Variants in MAMDC4 observed in about 807,000 individuals in gnomAD.
MAMDC4 encodes apical endosomal glycoprotein.
In MAMDC4, 168 loss-of-function variants were observed where a neutral mutation model predicts 153.3. That is an observed-to-expected ratio of 1.10 (90% CI 0.97 to 1.25). The LOEUF is 1.25. Among genes scored for constraint, MAMDC4 ranks in the 50% most tolerant of loss-of-function variants. MAMDC4 has a pLI of 0.00. For missense variants in MAMDC4, 1,701 were observed against 1,542.8 expected, an observed-to-expected ratio of 1.10 and a Z score of -1.72; for synonymous variants, 744 against 651.5, an observed-to-expected ratio of 1.14 and a Z score of -2.16.
At position 136,855,259 on chromosome 9, in the gene MAMDC4, C is replaced by T. The variant is rs1848987093; in HGVS notation, c.1203C>T (p.Leu401=). ...CTGAGCCCCTCTGCCCTCAGATCCTCCTGGCCGGGCAGACAGGCCCGGGGG... is the reference window on the plus strand; with the variant it reads ...CTGAGCCCCTCTGCCCTCAGATCCTTCTGGCCGGGCAGACAGGCCCGGGGG... The part of the protein sequence containing the change: ...DIQSAYPFQI[L]LAGQTGPGGV... The change falls in exon 11 of 27, where the codon CTC becomes CTT. Residue 401 remains leucine (L), a synonymous_variant. Coordinates refer to ENST00000317446, the MANE Select transcript of MAMDC4 (RefSeq NM_206920.3). The T allele has an allele frequency of 1.3e-6, 2 of 1,594,452 alleles. No individual in the cohort carries two copies. The highest frequency in any genetic ancestry group is 2.2e-5 in the East Asian group (1 of 44,766).
rs766870089 is a variant in MAMDC4 at position 136,857,302 on chromosome 9, A to ATCAC, written c.2106+4_2106+5insTCAC. ...TGGCTCCCATGCCCAGTACCAGGTG[A>ATCAC]GGCCTGGCACCCGGGTGGGAGGACA... On this transcript the variant is annotated splice_donor_region_variant and intron_variant, in intron 17 of 26. Coordinates refer to ENST00000317446, the MANE Select transcript of MAMDC4 (RefSeq NM_206920.3). 1 of 1,605,216 alleles carries ATCAC rather than the reference A, an allele frequency of 6.2e-7. No homozygotes were observed. Among genetic ancestry groups the ATCAC allele is most frequent in the South Asian group, 1.1e-5 (1 of 90,196 alleles).
Position 136,856,016 on chromosome 9 carries a change from A to G in MAMDC4, c.1589-2A>G. The G allele has an allele frequency of 6.2e-7, 1 of 1,609,496 alleles. No homozygotes were observed. The highest frequency in any genetic ancestry group is 8.5e-7 in the Non-Finnish European group (1 of 1,178,200). On this transcript the variant is annotated splice_acceptor_variant, in intron 13 of 26. Coordinates refer to ENST00000317446, the MANE Select transcript of MAMDC4 (RefSeq NM_206920.3). LOFTEE classifies it high-confidence loss of function. ...GCTCTGAGCACCATGCTCTTCCCCT[A>G]GGGCACTTCCTGTCTCTGCAGCGGG...
At chr9:136,857,321 G>A (rs377133372) in intron 17 of MAMDC4, 23 bp downstream of exon 17, 50 of 1,607,024 alleles carry the variant, frequency 3.1e-5, no homozygotes, top group Non-Finnish European at 4.2e-5. Context: ...ACCCGGGTGG[G>A]AGGACAGGGC....
In MAMDC4 at chr9:136,854,272, C is replaced by G; in HGVS notation, c.732C>G (p.Pro244=). ...GCCAGAACAAGGTCTGCGTGGAGCC[C>G]CAGCAGCTGTGCGACGGGGAAGACA... ...HHCQNKVCVE[P]QQLCDGEDNC... Residue 244 remains proline (P), a synonymous_variant, in exon 7 of 27, where the codon CCC becomes CCG. Coordinates refer to ENST00000317446, the MANE Select transcript of MAMDC4 (RefSeq NM_206920.3). 1 of 1,610,080 alleles carries G rather than the reference C, an allele frequency of 6.2e-7. No individual in the cohort carries two copies. The highest frequency in any genetic ancestry group is 8.5e-7 in the Non-Finnish European group (1 of 1,178,852).
Position 136,855,055 on chromosome 9 carries a change from T to G in MAMDC4, c.1142T>G (p.Leu381Arg), listed in dbSNP as rs544862217. ...PVLLRRRRGE[L>R]GTAWVRDRVD... Reference sequence around the variant, plus strand: ...CTGCTGCGGAGGCGCCGAGGGGAGCTGGGGACCGCCTGGGTCCGAGACCGT... The same window carrying G: ...CTGCTGCGGAGGCGCCGAGGGGAGCGGGGGACCGCCTGGGTCCGAGACCGT... Residue 381 changes from leucine (L) to arginine (R), a missense_variant, in exon 10 of 27, where the codon CTG becomes CGG. By Grantham distance (102) the Leu-to-Arg change is moderately radical. Coordinates refer to ENST00000317446, the MANE Select transcript of MAMDC4 (RefSeq NM_206920.3). 6.2e-7 allele frequency: 1 copy of G among 1,605,576 alleles called. No individual in the cohort carries two copies. The highest frequency in any genetic ancestry group is 8.5e-7 in the Non-Finnish European group (1 of 1,177,344).
At position 136,859,893 on chromosome 9, in the gene MAMDC4, A is replaced by G; in HGVS notation, c.3201A>G (p.Thr1067=). The G allele has an allele frequency of 3.1e-6, 5 of 1,611,712 alleles. No individual in the cohort carries two copies. Among genetic ancestry groups the G allele is most frequent in the Non-Finnish European group, 4.2e-6 (5 of 1,179,932 alleles). Reference sequence around the variant, plus strand: ...TGTCCCTATGGCCCACAGGGAACACAGCCGCACCCGGGTCTGTGCCAGCTG... The same window carrying G: ...TGTCCCTATGGCCCACAGGGAACACGGCCGCACCCGGGTCTGTGCCAGCTG... ...CQQPAPSPGN[T]AAPGSVPAVV... is the part of the protein sequence containing the mutation. The change falls in exon 26 of 27, where the codon ACA becomes ACG. Residue 1067 remains threonine, a synonymous_variant. Transcript: ENST00000317446.
At position 136,852,372 on chromosome 9, in the gene MAMDC4, T is replaced by C. The variant is rs1173494397; in HGVS notation, c.-45T>C. On this transcript the variant is annotated 5_prime_UTR_variant, in exon 1 of 27. Transcript: ENST00000317446. ...GCGCAGGCTGATAACCGCACGGAACTTCCCAGGCACCCTGTGTGGCCGCAC... is the reference window on the plus strand; with the variant it reads ...GCGCAGGCTGATAACCGCACGGAACCTCCCAGGCACCCTGTGTGGCCGCAC... 1.2e-6 allele frequency: 2 copies of C among 1,604,948 alleles called. No homozygotes were observed. Among genetic ancestry groups the C allele is most frequent in the Non-Finnish European group, 1.7e-6 (2 of 1,179,328 alleles).
rs1474187393 is a variant in MAMDC4, at chr9:136,853,593, C to T, written c.377C>T (p.Ala126Val). ...CACCGAGGGAAAGAGGCATCCACCG[C>T]AGCCCTGCGCTCGCCAACCCTGCGA... is the stretch of plus-strand genomic sequence containing the variant. ...GTHRGKEAST[A>V]ALRSPTLREA... Residue 126 changes from alanine to valine, a missense_variant, in exon 4 of 27, where the codon GCA becomes GTA. Transcript: ENST00000317446. 1 of 1,612,630 alleles carries T rather than the reference C, an allele frequency of 6.2e-7. No homozygotes were observed.
In MAMDC4 at chr9:136,856,165, G is replaced by GC; in HGVS notation, c.1720+17dup. The GC allele has an allele frequency of 6.2e-7, 1 of 1,611,580 alleles. No individual in the cohort carries two copies. The highest frequency in any genetic ancestry group is 8.5e-7 in the Non-Finnish European group (1 of 1,179,308). ...CAGCCCCGAGGTACCGCCACACTCC[G>GC]CAAGTTCCCTGGCCAGCCCCTGGGT... On this transcript the variant is annotated intron_variant, in intron 14 of 26. Transcript: ENST00000317446.
chr9:136,857,883 G>A, intron 19 of MAMDC4, 87 bp downstream of exon 19: 10 of 1,501,196 alleles, frequency 6.7e-6, no homozygotes, highest in East Asian at 2.4e-5. Flanking sequence ...CCACTGGGGA[G>A]CCTCTTGCGC....
intron 4 of MAMDC4, 34 bp downstream of exon 4, chr9:136,853,704 GC>G: frequency 1.5e-6 from 1 of 678,196 alleles, no homozygotes; most frequent in Non-Finnish European, 2.5e-6. Context: ...CGTGGGGGGT[GC>G]CCAAGGGGAG....
chr9:136,856,611 T>C (rs750942617), intron 14 of MAMDC4, 99 bp from the exon 15 acceptor site: 1 of 1,142,584 alleles, frequency 8.8e-7, no homozygotes, highest in Non-Finnish European at 1.3e-6. Flanking sequence ...ACCTGGGTGC[T>C]CCCCTTACAC....
chr9:136,858,864 C>T lies in MAMDC4; in HGVS notation c.2956+11C>T. The T allele has an allele frequency of 6.2e-7, 1 of 1,602,968 alleles. No homozygotes were observed. The highest frequency in any genetic ancestry group is 8.5e-7 in the Non-Finnish European group (1 of 1,174,832). The stretch of plus-strand genomic sequence containing the variant: ...TTCCTGAGCACTTCTGTGAGTCCGG[C>T]TGGGCCAATGGGTGCCTGGGCAACG... On this transcript the variant is annotated intron_variant, in intron 23 of 26. Coordinates refer to ENST00000317446, the MANE Select transcript of MAMDC4 (RefSeq NM_206920.3).
In MAMDC4 at chr9:136,858,280, G is replaced by C; in HGVS notation, c.2674+4G>C. The C allele has an allele frequency of 6.2e-7, 1 of 1,601,588 alleles. No individual in the cohort carries two copies. Among genetic ancestry groups the C allele is most frequent in the Non-Finnish European group, 8.5e-7 (1 of 1,179,298 alleles). On this transcript the variant is annotated splice_donor_region_variant and intron_variant, in intron 21 of 26. Coordinates refer to ENST00000317446, the MANE Select transcript of MAMDC4 (RefSeq NM_206920.3). ...GACGGGCCCTGCCCTCAGCCAGGTG[G>C]GAGCCCTGCCGTGGCCTCGGCCCTG...
At chr9:136,857,099 C>G in intron 16 of MAMDC4, 58 bp downstream of exon 16, 2 of 1,603,808 alleles carry the variant, frequency 1.2e-6, no homozygotes, top group Non-Finnish European at 8.5e-7. Flanking sequence ...GGTTCAGAGT[C>G]CCCCGCTCTG....
chr9:136,859,202 C>T lies in MAMDC4; in HGVS notation c.3085-7C>T, dbSNP rs779948955. ...GGCCCACACAAACTCCTTTCCTTCT[C>T]CATCAGATCGTGTTTGAAGCCACTC... On this transcript the variant is annotated splice_polypyrimidine_tract_variant and splice_region_variant and intron_variant, in intron 24 of 26. Transcript: ENST00000317446. 6.2e-7 allele frequency: 1 copy of T among 1,609,476 alleles called. No individual in the cohort carries two copies. The highest frequency in any genetic ancestry group is 1.1e-5 in the South Asian group (1 of 90,632).
rs758483946 is a variant in MAMDC4 at position 136,854,962 on chromosome 9, G to C, written c.1049G>C (p.Gly350Ala). Residue 350 changes from glycine to alanine, a missense_variant, in exon 10 of 27, where the codon GGG becomes GCG. Transcript: ENST00000317446. ...CTGGTCTTCTATCAGTACCTGAGTG[G>C]GTCTGAGGCTGGCTGCCTCCAGCTG... ...CSLVFYQYLS[G>A]SEAGCLQLFL... The C allele has an allele frequency of 6.2e-7, 1 of 1,608,638 alleles. No individual in the cohort carries two copies.
chr9:136,855,804 G>A lies in MAMDC4; in HGVS notation c.1544G>A (p.Arg515His), dbSNP rs1246821455. 4.5e-6 allele frequency: 7 copies of A among 1,543,376 alleles called. No individual in the cohort carries two copies. The highest frequency in any genetic ancestry group is 2.7e-5 in the African/African-American group (2 of 73,404). ...DASVGRLQWR[R>H]VSAQESQGSS... ...AGCGTGGGGCGGCTGCAGTGGCGGC[G>A]TGTCTCAGCCCAGGAGAGCCAGGGG... Residue 515 changes from arginine (R) to histidine (H), a missense_variant, in exon 13 of 27, where the codon CGT becomes CAT. Physicochemically the swap from Arg to His is conservative, Grantham distance 29. Coordinates refer to ENST00000317446, the MANE Select transcript of MAMDC4 (RefSeq NM_206920.3).
intron 20 of MAMDC4, 44 bp from the exon 21 acceptor site, chr9:136,858,142 G>T: frequency 6.5e-7 from 1 of 1,529,678 alleles, no homozygotes; most frequent in Non-Finnish European, 8.8e-7. Flanking sequence ...CTCCCCCGAG[G>T]GCTGCCTGGA....
Sources: gnomAD v4.1 joint callset for allele counts on GRCh38, gnomAD v4.1.1 for gene constraint, MANE v1.5 for transcripts, NCBI Gene and HGNC (gene_info 2026-07-23, HGNC 2026-07-21) for gene names.